AGAP1: variants seen among roughly 807,000 people sequenced by gnomAD.
The protein encoded by AGAP1 is arf-GAP with GTPase, ANK repeat and PH domain-containing protein 1.
Under a neutral mutation model 105.3 loss-of-function variants are expected in AGAP1, and 29 were observed. The ratio of observed to expected loss-of-function variants is 0.28; its 90% confidence interval spans 0.21 to 0.38. AGAP1 has a LOEUF of 0.38. Among genes scored for constraint, AGAP1 ranks in the 10% least tolerant of loss-of-function variants. The pLI is 1.00. For missense variants in AGAP1, 998 were observed against 1,165.1 expected, an observed-to-expected ratio of 0.86 and a Z score of 2.09; for synonymous variants, 509 against 485.9, an observed-to-expected ratio of 1.05 and a Z score of -0.63.
intron 1 of AGAP1, among the ~76,000 whole-genome samples, chr2:235,576,632 G>A (rs746306892): frequency 1.8e-4 from 28 of 152,356 alleles, no homozygotes; most frequent in Non-Finnish European, 2.9e-4. Context: ...CTCAGGGGCC[G>A]TTGAGGGCAG....
In AGAP1 at chr2:236,002,499, A is replaced by G. The variant is rs2056165043; in HGVS notation, c.1645+33876A>G. Among the ~76,000 whole-genome samples the G allele has an allele frequency of 6.6e-6, 1 of 152,236 alleles. No homozygotes were observed. Among genetic ancestry groups the G allele is most frequent in the Admixed American group, 6.5e-5 (1 of 15,288 alleles). ...TTTTCTGACAAAAGAGACATGAAAC[A>G]AATATGTTAACAAGTAATGTTGCTC... On this transcript the variant is annotated intron_variant, in intron 13 of 17. Coordinates refer to ENST00000304032, the MANE Select transcript of AGAP1 (RefSeq NM_001037131.3). This position sits in a 1 kb window ranked among gnomAD's most constrained non-coding sequence, Gnocchi z 4.3.
intron 1 of AGAP1, among the ~76,000 whole-genome samples, chr2:235,632,265 G>A (rs548605492): frequency 9.9e-5 from 15 of 152,264 alleles, no homozygotes; most frequent in South Asian, 6.2e-4. Context: ...AGCAGTGTTC[G>A]CATGAACTGC....
rs1195087790 is a variant in AGAP1, at chr2:235,552,961, T to C, written c.163+58112T>C. Among the ~76,000 whole-genome samples the C allele has an allele frequency of 6.6e-6, 1 of 152,198 alleles. No individual in the cohort carries two copies. The highest frequency in any genetic ancestry group is 2.4e-5 in the African/African-American group (1 of 41,428). On this transcript the variant is annotated intron_variant, in intron 1 of 17. Coordinates refer to ENST00000304032, the MANE Select transcript of AGAP1 (RefSeq NM_001037131.3). The surrounding 1 kb of genome is among the most constrained non-coding windows in gnomAD (Gnocchi z 5.9). ...CATACATCCACACATGTGCATCTGA[T>C]TGTGTGTGTGACACAGTGAAGGGTA...
intron 15 of AGAP1, 72 bp from the exon 16 acceptor site, chr2:236,048,987 G>GT: frequency 7.1e-7 from 1 of 1,413,814 alleles, no homozygotes; most frequent in Non-Finnish European, 9.8e-7. Context: ...TCGTCGCCTT[G>GT]TGTTTCTAAG....
rs571374934 is a variant in AGAP1, at chr2:235,777,584, C to T, written c.674-20175C>T. Among the ~76,000 whole-genome samples the T allele has an allele frequency of 3.3e-4, 51 of 152,350 alleles. 1 individual carries two copies. The highest frequency in any genetic ancestry group is 2.2e-3 in the Admixed American group (33 of 15,310). On this transcript the variant is annotated intron_variant, in intron 6 of 17. Transcript: ENST00000304032. This position sits in a 1 kb window ranked among gnomAD's most constrained non-coding sequence, Gnocchi z 5.1. Reference sequence around the variant, plus strand: ...TCCTGTTGCCATAGAGGACGAGTCACAGCTGTCTCACCTGCACCCCTCCAA... The same window carrying T: ...TCCTGTTGCCATAGAGGACGAGTCATAGCTGTCTCACCTGCACCCCTCCAA...
rs1449938171 is a variant in AGAP1 at position 235,930,116 on chromosome 2, A to G, written c.1325-649A>G. Among the ~76,000 whole-genome samples the G allele has an allele frequency of 8.5e-5, 13 of 152,226 alleles. No homozygotes were observed. The highest frequency in any genetic ancestry group is 8.5e-4 in the Admixed American group (13 of 15,282). ...TTTTGATGTTGAGCAACTGATTCAA[A>G]TCATTAAGTATACAATGGAATCATT... On this transcript the variant is annotated intron_variant, in intron 11 of 17. Transcript: ENST00000304032. The surrounding 1 kb of genome is among the most constrained non-coding windows in gnomAD (Gnocchi z 7.9).
At chr2:235,668,225 T>C (rs2149350318) in intron 1 of AGAP1, among the ~76,000 whole-genome samples, 1 of 152,344 alleles carries the variant, frequency 6.6e-6, no homozygotes. Context: ...TCACTCTGAC[T>C]TATTTCATTA....
intron 14 of AGAP1, among the ~76,000 whole-genome samples, chr2:236,039,134 A>C (rs1559215837): frequency 6.6e-6 from 1 of 152,176 alleles, no homozygotes; most frequent in Admixed American, 6.5e-5. Context: ...TGCATACTTA[A>C]TAAATAAGCC....
chr2:235,630,806 C>T (rs1477896289), intron 1 of AGAP1, among the ~76,000 whole-genome samples: 1 of 152,166 alleles, frequency 6.6e-6, no homozygotes, highest in Non-Finnish European at 1.5e-5. Flanking sequence ...GCCACCATGG[C>T]AACGCTCAGC....
chr2:235,828,917 C>T lies in AGAP1; in HGVS notation c.1050+21586C>T, dbSNP rs527287014. Among the ~76,000 whole-genome samples the T allele has an allele frequency of 6.2e-4, 95 of 152,352 alleles. 9 individuals carry two copies. Among genetic ancestry groups the T allele is most frequent in the Non-Finnish European group, 2.1e-4 (14 of 68,034 alleles). ...TTGAGTCCTCGTTTGTAAGACACAG[C>T]TCTCAGACGCAGCCTGTCCAGAGTT... On this transcript the variant is annotated intron_variant, in intron 9 of 17. Coordinates refer to ENST00000304032, the MANE Select transcript of AGAP1 (RefSeq NM_001037131.3).
In AGAP1 at chr2:235,720,788, G is replaced by A. The variant is rs961678908; in HGVS notation, c.310+3144G>A. The A allele has an allele frequency of 6.5e-5, 56 of 855,372 alleles. 1 individual carries two copies. The highest frequency in any genetic ancestry group is 1.2e-3 in the Middle Eastern group (2 of 1,702). The allele number at this position is 855,372 out of a possible 1,614,324, so 53.0% of individuals were successfully genotyped here. A position where few individuals can be genotyped will look rare whatever the true frequency, so the allele number is the denominator to read the frequency against. On this transcript the variant is annotated intron_variant, in intron 3 of 17. Coordinates refer to ENST00000304032, the MANE Select transcript of AGAP1 (RefSeq NM_001037131.3). The surrounding 1 kb of genome is among the most constrained non-coding windows in gnomAD (Gnocchi z 5.0). ...ACTGCTGGGAGGGGTGAGGGTGAGGGCCTTCCTGTCTTCAGGGGAGAGCTC... is the reference window on the plus strand; with the variant it reads ...ACTGCTGGGAGGGGTGAGGGTGAGGACCTTCCTGTCTTCAGGGGAGAGCTC...
At position 236,113,076 on chromosome 2, in the gene AGAP1, AT is replaced by A. The variant is rs1427103414; in HGVS notation, c.2115-7113del. 6.6e-6 allele frequency among the ~76,000 whole-genome samples: 1 copy of A among 151,876 alleles called. No homozygotes were observed. The highest frequency in any genetic ancestry group is 1.5e-5 in the Non-Finnish European group (1 of 67,988). ...CCTGCAGCCTTTCTTTTTTCCCACG[AT>A]TTCCCAAAATACGGCCACCACTCTG... is the stretch of plus-strand genomic sequence containing the variant. On this transcript the variant is annotated intron_variant, in intron 16 of 17. Coordinates refer to ENST00000304032, the MANE Select transcript of AGAP1 (RefSeq NM_001037131.3). This position sits in a 1 kb window ranked among gnomAD's most constrained non-coding sequence, Gnocchi z 4.3.
At position 235,725,453 on chromosome 2, in the gene AGAP1, G is replaced by A. The variant is rs947313373; in HGVS notation, c.310+7809G>A. On this transcript the variant is annotated intron_variant, in intron 3 of 17. Coordinates refer to ENST00000304032, the MANE Select transcript of AGAP1 (RefSeq NM_001037131.3). The surrounding 1 kb of genome is among the most constrained non-coding windows in gnomAD (Gnocchi z 5.7). The stretch of plus-strand genomic sequence containing the variant: ...GGTTGTCAGCTACCACTGCATCCCA[G>A]ATGTTAGAGTTTATTTCTAAAGCTG... 6.6e-6 allele frequency among the ~76,000 whole-genome samples: 1 copy of A among 151,280 alleles called. No individual in the cohort carries two copies. The highest frequency in any genetic ancestry group is 1.5e-5 in the Non-Finnish European group (1 of 67,922).
At position 235,611,026 on chromosome 2, in the gene AGAP1, G is replaced by A. The variant is rs190082070; in HGVS notation, c.164-98153G>A. On this transcript the variant is annotated intron_variant, in intron 1 of 17. Coordinates refer to ENST00000304032, the MANE Select transcript of AGAP1 (RefSeq NM_001037131.3). This position sits in a 1 kb window ranked among gnomAD's most constrained non-coding sequence, Gnocchi z 5.0. ...CATTGAAACTGTGCCCATGACCTCC[G>A]GAAGCCTGCCAGCCGCCTGCCTGCA... is the stretch of plus-strand genomic sequence containing the variant. 6.0e-4 allele frequency among the ~76,000 whole-genome samples: 91 copies of A among 152,200 alleles called. No individual in the cohort carries two copies. Among genetic ancestry groups the A allele is most frequent in the Non-Finnish European group, 5.3e-4 (36 of 68,008 alleles).
rs1463512557 is a variant in AGAP1, at chr2:235,866,343, T to G, written c.1051-17002T>G. Among the ~76,000 whole-genome samples the G allele has an allele frequency of 6.6e-6, 1 of 152,102 alleles. No individual in the cohort carries two copies. The highest frequency in any genetic ancestry group is 1.5e-5 in the Non-Finnish European group (1 of 68,026). ...CCAGAATTCCCACCGAGGGAGACAA[T>G]CCGTGTGTGTGATCGGGGTGTTCTG... On this transcript the variant is annotated intron_variant, in intron 9 of 17. Transcript: ENST00000304032. This position sits in a 1 kb window ranked among gnomAD's most constrained non-coding sequence, Gnocchi z 6.1.
intron 13 of AGAP1, among the ~76,000 whole-genome samples, chr2:235,987,149 AG>A (rs1235742542): frequency 8.3e-6 from 1 of 120,724 alleles, no homozygotes; most frequent in Non-Finnish European, 1.8e-5. Context: ...ATTGGTTGGT[AG>A]GCTATTAATT....
intron 1 of AGAP1, among the ~76,000 whole-genome samples, chr2:235,643,034 TG>T (rs1947249888): frequency 6.6e-6 from 1 of 152,024 alleles, no homozygotes; most frequent in East Asian, 1.9e-4. Context: ...AATACACAGT[TG>T]GGACAGACTC....
At chr2:235,798,468 A>G (rs930254269) in intron 7 of AGAP1, among the ~76,000 whole-genome samples, 1 of 152,022 alleles carries the variant, frequency 6.6e-6, no homozygotes, top group Non-Finnish European at 1.5e-5. Flanking sequence ...CAGGTATTCT[A>G]TTGGCACTGT....
At chr2:235,834,277 C>T (rs904262767) in intron 9 of AGAP1, among the ~76,000 whole-genome samples, 1 of 152,184 alleles carries the variant, frequency 6.6e-6, no homozygotes, top group African/African-American at 2.4e-5. Context: ...CATGTTCTTC[C>T]GCATAGTATG....
Sources: gnomAD v4.1 joint callset for allele counts (sites outside exome capture counted in the v4.1 genomes callset) on GRCh38, gnomAD v4.1.1 for gene constraint, Gnocchi (gnomAD v3.1) non-coding constraint, MANE v1.5 for transcripts, NCBI Gene and HGNC (gene_info 2026-07-23, HGNC 2026-07-21) for gene names.